The following LRP12 variants were observed in gnomAD, a reference collection of about 807,000 sequenced individuals.
LRP12 encodes the protein LDL receptor related protein 12, also known as low-density lipoprotein receptor-related protein 12.
LRP12 carries 14 observed loss-of-function variants against 66.0 expected under a neutral mutation model. The ratio of observed to expected loss-of-function variants is 0.21; its 90% confidence interval spans 0.14 to 0.33. The LOEUF (loss-of-function observed/expected upper bound fraction) is 0.33, where lower values mean the gene tolerates loss of function less well. LRP12 is among the 10% of genes least tolerant of loss of function. The pLI is 1.00. For missense variants in LRP12, 889 were observed against 1,053.4 expected (o/e 0.84, Z 2.16); for synonymous variants, 357 against 359.1 (o/e 0.99, Z 0.07).
At chr8:104,560,435 G>A (rs906992509) in intron 1 of LRP12, among the ~76,000 whole-genome samples, 1 of 152,100 alleles carries the variant, frequency 6.6e-6, no homozygotes, top group East Asian at 1.9e-4. Context: ...CAAGGAATTA[G>A]GGCATTTAAA....
intron 2 of LRP12, 29 bp from the exon 3 acceptor site, chr8:104,509,103 T>C: frequency 6.2e-7 from 1 of 1,606,220 alleles, no homozygotes; most frequent in Non-Finnish European, 8.5e-7. Context: ...AATCTTTCCT[T>C]ATTATTACAC....
chr8:104,494,880 A>C (rs576461161), intron 6 of LRP12, among the ~76,000 whole-genome samples, 197 bp downstream of exon 6: 2 of 152,338 alleles, frequency 1.3e-5, no homozygotes, highest in Non-Finnish European at 2.9e-5. Flanking sequence ...TTGCACAACC[A>C]AATCAGAGGA....
At chr8:104,571,950 T>C (rs1266194043) in intron 1 of LRP12, among the ~76,000 whole-genome samples, 1 of 152,174 alleles carries the variant, frequency 6.6e-6, no homozygotes, top group Non-Finnish European at 1.5e-5. Context: ...AATAAAAACT[T>C]ATGTCCACAC....
At chr8:104,526,841 T>C (rs1379464212) in intron 2 of LRP12, among the ~76,000 whole-genome samples, 1 of 143,440 alleles carries the variant, frequency 7.0e-6, no homozygotes. Context: ...TGGGATCTAA[T>C]TAAACTAAAG....
At chr8:104,583,557 CA>C (rs1416966822) in intron 1 of LRP12, among the ~76,000 whole-genome samples, 2 of 152,144 alleles carry the variant, frequency 1.3e-5, no homozygotes, top group Non-Finnish European at 2.9e-5. Context: ...ACAACTTATT[CA>C]TTAGACTATA....
intron 1 of LRP12, among the ~76,000 whole-genome samples, chr8:104,548,346 AAT>A (rs1336477404): frequency 2.1e-4 from 11 of 52,682 alleles, no homozygotes; most frequent in Admixed American, 3.2e-4. Context: ...TAAATATATA[AAT>A]ATATAATATA....
intron 1 of LRP12, among the ~76,000 whole-genome samples, chr8:104,567,516 C>T (rs1369257657): frequency 6.6e-6 from 1 of 151,936 alleles, no homozygotes; most frequent in Non-Finnish European, 1.5e-5. Context: ...GGGATGCAGC[C>T]AAACCAAATC....
chr8:104,565,877 C>G (rs976008271), intron 1 of LRP12, among the ~76,000 whole-genome samples: 2 of 139,512 alleles, frequency 1.4e-5, no homozygotes, highest in South Asian at 2.3e-4. Flanking sequence ...AAAAAAAATA[C>G]ACACACACAC....
In LRP12 at chr8:104,588,940, GGGA is replaced by G. The variant is rs1812383542; in HGVS notation, c.-46_-44del. ...AGAGAGAGGAGGAGACGGAGGAGGA[GGGA>G]GGAGAAGCTGGAGGTAGACGACGCC... On this transcript the variant is annotated 5_prime_UTR_variant, in exon 1 of 7. Coordinates refer to ENST00000276654, the MANE Select transcript of LRP12 (RefSeq NM_013437.5). 3 of 1,476,540 alleles carry G rather than the reference GGGA, an allele frequency of 2.0e-6. No homozygotes were observed. Among genetic ancestry groups the G allele is most frequent in the African/African-American group, 1.4e-5 (1 of 69,324 alleles). The allele number at this position is 1,476,540 out of a possible 1,614,324, so 91.5% of individuals were successfully genotyped here.
chr8:104,588,480 G>A (rs552925285), intron 1 of LRP12, among the ~76,000 whole-genome samples: 3 of 152,294 alleles, frequency 2.0e-5, no homozygotes, highest in East Asian at 3.9e-4. Context: ...CTTTGTGTGT[G>A]GATTGTGCCA....
chr8:104,548,232 A>T (rs1216142041), intron 1 of LRP12, among the ~76,000 whole-genome samples: 1 of 102,994 alleles, frequency 9.7e-6, no homozygotes, highest in Admixed American at 1.5e-4. Flanking sequence ...TGATATATTT[A>T]TATTAATATA....
Position 104,499,347 on chromosome 8 carries a change from T to C in LRP12, c.445A>G (p.Arg149Gly). The change falls in exon 4 of 7, where the codon AGA becomes GGA. Residue 149 changes from arginine to glycine, a missense_variant. Around this residue, in one of 3 missense-constraint regions of LRP12, gnomAD observed 800 missense variants for 964.5 expected, o/e 0.83. Coordinates refer to ENST00000276654, the MANE Select transcript of LRP12 (RefSeq NM_013437.5). ...AAATATGCCAGTCTGAAACCCTTTCTAGAGATGTTGTCATCCGAATGAAAC... is the reference window on the plus strand; with the variant it reads ...AAATATGCCAGTCTGAAACCCTTTCCAGAGATGTTGTCATCCGAATGAAAC... ...IRFHSDDNIS[R>G]KGFRLAYFSG... The C allele has an allele frequency of 6.2e-7, 1 of 1,613,456 alleles. No individual in the cohort carries two copies. Among genetic ancestry groups the C allele is most frequent in the Non-Finnish European group, 8.5e-7 (1 of 1,179,764 alleles).
At chr8:104,543,767 C>CA (rs1811512937) in intron 1 of LRP12, among the ~76,000 whole-genome samples, 1 of 152,026 alleles carries the variant, frequency 6.6e-6, no homozygotes, top group Admixed American at 6.6e-5. Context: ...ACTGAAAACA[C>CA]AAAAATGAGC....
chr8:104,588,741 C>G, intron 1 of LRP12, 78 bp downstream of exon 1: 1 of 1,299,346 alleles, frequency 7.7e-7, no homozygotes, highest in Non-Finnish European at 1.1e-6. Flanking sequence ...TCCAGGGGAA[C>G]CCCCGTCCTG....
intron 1 of LRP12, among the ~76,000 whole-genome samples, chr8:104,547,577 T>C (rs1337666442): frequency 8.1e-6 from 1 of 123,578 alleles, no homozygotes; most frequent in Non-Finnish European, 1.6e-5. Context: ...ATAATTATTA[T>C]ATATTAATAT....
chr8:104,546,543 T>C (rs1327589145), intron 1 of LRP12, among the ~76,000 whole-genome samples: 2 of 152,170 alleles, frequency 1.3e-5, no homozygotes, highest in East Asian at 1.9e-4. Context: ...CCCCACATTA[T>C]GGATGCGAAA....
intron 1 of LRP12, among the ~76,000 whole-genome samples, chr8:104,545,502 T>C (rs565531688): frequency 1.3e-5 from 2 of 152,284 alleles, no homozygotes; most frequent in East Asian, 3.9e-4. Context: ...GCTGTCTTAT[T>C]TTAAGAAATT....
chr8:104,555,332 G>A lies in LRP12; in HGVS notation c.80-23369C>T, dbSNP rs534769600. Among the ~76,000 whole-genome samples, 5 of 152,138 alleles carry A rather than the reference G, an allele frequency of 3.3e-5. No individual in the cohort carries two copies. In the South Asian group the frequency reaches 6.2e-4, roughly 19 times the overall value. ...TACCTCGCATTTCAATACCAACATCGAAGGTAAATGGCCTAAATCCTCCAC... is the reference window on the plus strand; with the variant it reads ...TACCTCGCATTTCAATACCAACATCAAAGGTAAATGGCCTAAATCCTCCAC... On this transcript the variant is annotated intron_variant, in intron 1 of 6. Transcript: ENST00000276654.
intron 2 of LRP12, among the ~76,000 whole-genome samples, chr8:104,526,473 C>A (rs1811240481): frequency 6.6e-6 from 1 of 150,792 alleles, no homozygotes; most frequent in South Asian, 2.1e-4. Context: ...GGTACTGGTA[C>A]CAAAACAGAG....
Sources: allele counts gnomAD v4.1 joint callset (sites outside exome capture counted in the v4.1 genomes callset), GRCh38; gene constraint gnomAD v4.1.1; regional missense constraint gnomAD v4.1.1; transcripts MANE v1.5; gene names NCBI Gene and HGNC (gene_info 2026-07-23, HGNC 2026-07-21).